Variants in CEP78 observed in about 807,000 individuals in gnomAD.
CEP78 encodes the protein centrosomal protein 78.
Under a neutral mutation model 81.2 loss-of-function variants are expected in CEP78, and 76 were observed. The ratio of observed to expected loss-of-function variants is 0.94; its 90% CI spans 0.78 to 1.13. CEP78 has a LOEUF of 1.13. CEP78 is among the 50% of genes most tolerant of loss of function. The pLI is 0.00. For synonymous variants in CEP78, 293 were observed against 301.4 expected (o/e 0.97, Z 0.29); for missense variants, 918 against 846.8 (o/e 1.08, Z -1.04).
chr9:78,256,454 A>G (rs1827030027), intron 11 of CEP78, among the ~76,000 whole-genome samples: 1 of 151,828 alleles, frequency 6.6e-6, no homozygotes, highest in Non-Finnish European at 1.5e-5. Flanking sequence ...ATATCCTGCC[A>G]TACTGGCTAC....
chr9:78,261,205 G>A (rs1827258285), intron 11 of CEP78, among the ~76,000 whole-genome samples: 1 of 152,048 alleles, frequency 6.6e-6, no homozygotes, highest in Non-Finnish European at 1.5e-5. Flanking sequence ...CTCCCAAAGT[G>A]CTGGGATTAC....
chr9:78,238,232 A>G (rs1439930701), intron 1 of CEP78, among the ~76,000 whole-genome samples: 1 of 152,196 alleles, frequency 6.6e-6, no homozygotes, highest in Non-Finnish European at 1.5e-5. Context: ...AGTTTACAGC[A>G]GCGTCTGTAA....
chr9:78,238,364 G>A (rs1675599494), intron 1 of CEP78, among the ~76,000 whole-genome samples: 1 of 152,178 alleles, frequency 6.6e-6, no homozygotes, highest in African/African-American at 2.4e-5. Flanking sequence ...ATCCAAATGT[G>A]TCTGCTAGGC....
At position 78,266,982 on chromosome 9, in the gene CEP78, C is replaced by T. The variant is rs1043726767; in HGVS notation, c.2107+279C>T. The T allele has an allele frequency of 1.2e-5, 17 of 1,385,792 alleles. No homozygotes were observed. The African/African-American group carries it at 1.3e-4, about 11-fold the overall frequency. 85.8% of individuals were successfully genotyped at this position (1,385,792 alleles called of 1,614,324 possible). A position where few individuals can be genotyped will look rare whatever the true frequency, so the allele number is the denominator to read the frequency against. On this transcript the variant is annotated intron_variant, in intron 16 of 16. Transcript: ENST00000643273. ...TGATTTTGAATTTCAAGAAAGCATCCATTCTCTATCACACCTTTCATATGA... is the reference window on the plus strand; with the variant it reads ...TGATTTTGAATTTCAAGAAAGCATCTATTCTCTATCACACCTTTCATATGA...
chr9:78,247,216 A>G (rs964854727), intron 6 of CEP78, among the ~76,000 whole-genome samples: 2 of 152,204 alleles, frequency 1.3e-5, no homozygotes, highest in Non-Finnish European at 2.9e-5. Flanking sequence ...TACGTAATGT[A>G]ATTTAGATAG....
chr9:78,252,475 C>T (rs991224922), intron 9 of CEP78, among the ~76,000 whole-genome samples: 8 of 151,930 alleles, frequency 5.3e-5, no homozygotes, highest in Admixed American at 1.3e-4. Context: ...TGGCCTAACT[C>T]ATTTTAGTGA....
intron 5 of CEP78, among the ~76,000 whole-genome samples, chr9:78,244,328 G>A (rs1290974658): frequency 6.6e-6 from 1 of 151,878 alleles, no homozygotes; most frequent in Non-Finnish European, 1.5e-5. Flanking sequence ...GGGTCTTGCT[G>A]TGTTGCCCAG....
At chr9:78,249,003 T>G (rs1826633364) in intron 8 of CEP78, 130 bp downstream of exon 8, 1 of 421,592 alleles carries the variant, frequency 2.4e-6, no homozygotes, top group Non-Finnish European at 4.3e-6. Context: ...AGGTCTGTAA[T>G]TGTTCTGATA....
chr9:78,244,922 GT>G (rs1215834604), intron 5 of CEP78, among the ~76,000 whole-genome samples: 2 of 152,012 alleles, frequency 1.3e-5, no homozygotes, highest in African/African-American at 4.8e-5. Flanking sequence ...CATTTTAAAG[GT>G]TTTTTTAAAA....
chr9:78,245,203 A>T (rs1270513908), intron 5 of CEP78, among the ~76,000 whole-genome samples: 1 of 151,726 alleles, frequency 6.6e-6, no homozygotes, highest in African/African-American at 2.4e-5. Flanking sequence ...AGTATATATT[A>T]TATAACTCCA....
At chr9:78,256,284 G>A (rs967883036) in intron 11 of CEP78, among the ~76,000 whole-genome samples, 7 of 152,142 alleles carry the variant, frequency 4.6e-5, no homozygotes, top group Non-Finnish European at 7.4e-5. Context: ...TGACTAACAT[G>A]GAGGGAGCTC....
intron 13 of CEP78, 58 bp downstream of exon 13, chr9:78,264,374 G>C: frequency 7.0e-7 from 1 of 1,425,812 alleles, no homozygotes; most frequent in African/African-American, 1.4e-5. Context: ...GTGTTTTGCT[G>C]AGGAACTTGA....
At chr9:78,246,404 C>A (rs949717911) in intron 5 of CEP78, among the ~76,000 whole-genome samples, 2 of 152,124 alleles carry the variant, frequency 1.3e-5, no homozygotes, top group African/African-American at 4.8e-5. Context: ...TCCAGACCAT[C>A]CTGGCTAACA....
chr9:78,256,249 G>C (rs1014509245), intron 11 of CEP78, among the ~76,000 whole-genome samples: 1 of 152,164 alleles, frequency 6.6e-6, no homozygotes, highest in Non-Finnish European at 1.5e-5. Context: ...TATGCATATA[G>C]GAAAAAGGAA....
chr9:78,250,275 C>T, intron 8 of CEP78: 1 of 398,098 alleles, frequency 2.5e-6, no homozygotes. Flanking sequence ...TAAGCCAAAT[C>T]AGTGTCTGGC....
intron 10 of CEP78, 143 bp downstream of exon 10, chr9:78,253,420 C>T: frequency 1.6e-6 from 1 of 623,578 alleles, no homozygotes; most frequent in East Asian, 2.8e-5. Flanking sequence ...TCTGGGTTCT[C>T]CCGGTGCCAC....
rs572264680 is a variant in CEP78, at chr9:78,261,310, C to T, written c.1381-1597C>T. Among the ~76,000 whole-genome samples the T allele has an allele frequency of 8.5e-5, 13 of 152,078 alleles. No homozygotes were observed. The East Asian group carries it at 2.5e-3, about 29-fold the overall frequency. On this transcript the variant is annotated intron_variant, in intron 11 of 16. Transcript: ENST00000643273. ...TATAATGGGCCTGCATACTTCAAGC[C>T]CTTGATATTCAAGGGTTGTTGTACA... is the stretch of plus-strand genomic sequence containing the variant.
intron 1 of CEP78, among the ~76,000 whole-genome samples, chr9:78,237,155 A>G (rs939462827): frequency 4.7e-5 from 7 of 150,314 alleles, no homozygotes; most frequent in Non-Finnish European, 8.9e-5. Flanking sequence ...TAATTTTTGT[A>G]TTTTTAGTAG....
intron 11 of CEP78, among the ~76,000 whole-genome samples, chr9:78,261,786 A>G (rs1827287446): frequency 6.6e-6 from 1 of 152,206 alleles, no homozygotes; most frequent in Non-Finnish European, 1.5e-5. Flanking sequence ...ATAAATAATA[A>G]GTAGAGGAAT....
Sources: gnomAD v4.1 joint callset for allele counts (sites outside exome capture counted in the v4.1 genomes callset) on GRCh38, gnomAD v4.1.1 for gene constraint, MANE v1.5 for transcripts, NCBI Gene and HGNC (gene_info 2026-07-23, HGNC 2026-07-21) for gene names.